ATP11C: variants seen among roughly 807,000 people sequenced by gnomAD.
The protein encoded by ATP11C is phospholipid-transporting ATPase IG.
A neutral mutation model predicts 97.4 loss-of-function variants in ATP11C; 36 were observed. That is an observed-to-expected ratio of 0.37 (90% CI 0.28 to 0.49). The LOEUF (loss-of-function observed/expected upper bound fraction) is 0.49. Among genes scored for constraint, ATP11C ranks in the 20% least tolerant of loss-of-function variants. ATP11C has a pLI of 0.98. For missense variants in ATP11C, 730 were observed against 824.6 expected, an observed-to-expected ratio of 0.89 and a Z score of 1.40; for synonymous variants, 275 against 290.9, an observed-to-expected ratio of 0.95 and a Z score of 0.56.
At chrX:139,793,397 G>A (rs1410937031) in intron 12 of ATP11C, among the ~76,000 whole-genome samples, 1 of 110,664 alleles carries the variant, frequency 9.0e-6, no homozygotes, top group African/African-American at 3.3e-5. Context: ...ACTTTTATGG[G>A]TTAATTAGTA....
At chrX:139,807,199 C>A (rs966384775) in intron 5 of ATP11C, among the ~76,000 whole-genome samples, 1 of 110,890 alleles carries the variant, frequency 9.0e-6, no homozygotes, top group Non-Finnish European at 1.9e-5. Context: ...GGCAAGGGAA[C>A]GTGGGGCGGG....
chrX:139,899,547 A>C (rs2084864442), intron 1 of ATP11C, among the ~76,000 whole-genome samples: 1 of 110,571 alleles, frequency 9.0e-6, no homozygotes, highest in Admixed American at 9.7e-5. Context: ...TTAAAGAAAA[A>C]CCGAGAAAAT....
upstream of ATP11C, among the ~76,000 whole-genome samples, chrX:139,936,610 G>A: frequency 9.0e-6 from 1 of 111,673 alleles, no homozygotes; most frequent in Non-Finnish European, 1.9e-5. Flanking sequence ...CTGAGGGAGA[G>A]AAGGGAAGGA....
chrX:139,817,593 T>A (rs1482303150), intron 3 of ATP11C, among the ~76,000 whole-genome samples: 1 of 112,132 alleles, frequency 8.9e-6, no homozygotes, highest in Non-Finnish European at 1.9e-5. Flanking sequence ...AAAGGTCACA[T>A]GAACAGAACT....
intron 1 of ATP11C, among the ~76,000 whole-genome samples, chrX:139,830,890 C>G (rs1300559002): frequency 1.8e-5 from 2 of 110,780 alleles, no homozygotes; most frequent in African/African-American, 3.3e-5. Flanking sequence ...CAGAAGTCAG[C>G]ATTTCCATAC....
At chrX:139,853,766 T>A (rs1252312872) in intron 1 of ATP11C, among the ~76,000 whole-genome samples, 1 of 75,416 alleles carries the variant, frequency 1.3e-5, no homozygotes, top group Admixed American at 2.0e-4. Flanking sequence ...CAGAAGAAAG[T>A]AAAAAAATAA....
intron 5 of ATP11C, among the ~76,000 whole-genome samples, chrX:139,813,953 GCCAAAATAGGTT>G (rs1040412317): frequency 9.0e-6 from 1 of 111,274 alleles, no homozygotes; most frequent in African/African-American, 3.3e-5. Context: ...GTGATAGTGT[GCCAAAATAGGTT>G]CACTGATTGT....
chrX:139,819,766 T>C (rs1226804897), intron 2 of ATP11C, among the ~76,000 whole-genome samples: 1 of 112,439 alleles, frequency 8.9e-6, no homozygotes, highest in Non-Finnish European at 1.9e-5. Context: ...GAGTTATATA[T>C]GTGTACATTT....
chrX:139,790,397 C>A (rs1265601883), intron 12 of ATP11C, among the ~76,000 whole-genome samples: 1 of 110,320 alleles, frequency 9.1e-6, no homozygotes, highest in African/African-American at 3.3e-5. Flanking sequence ...AAAGAAGTTA[C>A]ATAAGTCAAT....
intron 11 of ATP11C, 65 bp from the exon 12 acceptor site, chrX:139,796,535 AG>A: frequency 1.4e-6 from 1 of 731,329 alleles, no homozygotes; most frequent in Non-Finnish European, 2.0e-6. Flanking sequence ...TATAATATAA[AG>A]GAAGAATTAA....
chrX:139,866,168 A>C, intron 1 of ATP11C, among the ~76,000 whole-genome samples: 1 of 109,095 alleles, frequency 9.2e-6, no homozygotes. Context: ...ACATAGTGAA[A>C]CCCTGTCTCT....
At chrX:139,853,766 T>TA (rs928649058) in intron 1 of ATP11C, among the ~76,000 whole-genome samples, 18 of 75,416 alleles carry the variant, frequency 2.4e-4, no homozygotes, top group Non-Finnish European at 3.6e-4. Flanking sequence ...CAGAAGAAAG[T>TA]AAAAAAATAA....
chrX:139,895,893 T>C (rs888508286), intron 1 of ATP11C, among the ~76,000 whole-genome samples: 1 of 110,976 alleles, frequency 9.0e-6, no homozygotes, highest in Non-Finnish European at 1.9e-5. Flanking sequence ...TTTGCCATGT[T>C]TGAACTCCTG....
At chrX:139,782,786 A>AC in intron 17 of ATP11C, 58 bp from the exon 18 acceptor site, 1 of 861,265 alleles carries the variant, frequency 1.2e-6, no homozygotes, top group Non-Finnish European at 1.6e-6. Flanking sequence ...AAAAAAAAAA[A>AC]CACACTCTGT....
In ATP11C at chrX:139,785,306, G is replaced by C; in HGVS notation, c.1593-7C>G. On this transcript the variant is annotated splice_region_variant and splice_polypyrimidine_tract_variant and intron_variant, in intron 15 of 29. Transcript: ENST00000682941. ...GGTGTGAAGAAGTTCATATCTTTAAGAGAAATGAGCAAAGTAAAAAACCTA... is the reference window on the plus strand; with the variant it reads ...GGTGTGAAGAAGTTCATATCTTTAACAGAAATGAGCAAAGTAAAAAACCTA... 1.7e-6 allele frequency: 2 copies of C among 1,177,260 alleles called. No homozygotes were observed. Among genetic ancestry groups the C allele is most frequent in the Non-Finnish European group, 2.3e-6 (2 of 867,896 alleles).
intron 15 of ATP11C, among the ~76,000 whole-genome samples, chrX:139,786,071 G>T (rs996165694): frequency 9.0e-6 from 1 of 111,264 alleles, no homozygotes; most frequent in African/African-American, 3.3e-5. Context: ...GCCATTTCTG[G>T]AATTTGGGAT....
At chrX:139,936,517 AAAGAAGCCCCACAGGT>A (rs2148211990), upstream of ATP11C, among the ~76,000 whole-genome samples, 1 of 111,829 alleles carries the variant, frequency 8.9e-6, no homozygotes, top group East Asian at 2.8e-4. Context: ...ACTGCAACAG[AAAGAAGCCCCACAGGT>A]AGGAATTCAG....
At chrX:139,870,174 A>C (rs2084350887) in intron 1 of ATP11C, among the ~76,000 whole-genome samples, 1 of 111,817 alleles carries the variant, frequency 8.9e-6, no homozygotes, top group African/African-American at 3.3e-5. Flanking sequence ...AACTCATCAA[A>C]TTGTATGCAT....
intron 22 of ATP11C, among the ~76,000 whole-genome samples, chrX:139,759,646 G>A (rs1389501234): frequency 2.7e-5 from 3 of 111,869 alleles, no homozygotes; most frequent in African/African-American, 6.5e-5. Flanking sequence ...GCAATGGCGA[G>A]AGGATGGAAA....
Sources: allele counts gnomAD v4.1 joint callset (sites outside exome capture counted in the v4.1 genomes callset), GRCh38; gene constraint gnomAD v4.1.1; transcripts MANE v1.5; gene names NCBI Gene and HGNC (gene_info 2026-07-23, HGNC 2026-07-21).